SDK1: variants seen among roughly 807,000 people sequenced by gnomAD.
SDK1 encodes sidekick cell adhesion molecule 1, also known as protein sidekick-1.
Under a neutral mutation model 245.5 loss-of-function variants are expected in SDK1, and 157 were observed. That is an observed-to-expected ratio of 0.64 (90% CI 0.56 to 0.73). SDK1 has a LOEUF of 0.73. SDK1 is among the 30% of genes least tolerant of loss of function. The pLI, the probability that SDK1 is intolerant of heterozygous loss-of-function variation, is 0.00. For missense variants in SDK1, 3,583 were observed against 3,002.3 expected, an observed-to-expected ratio of 1.19 and a Z score of -4.52; for synonymous variants, 1,647 against 1,278.5, an observed-to-expected ratio of 1.29 and a Z score of -6.15.
At chr7:3,637,562 C>T (rs1220601176) in intron 2 of SDK1, among the ~76,000 whole-genome samples, 1 of 152,192 alleles carries the variant, frequency 6.6e-6, no homozygotes, top group Non-Finnish European at 1.5e-5. Flanking sequence ...GGTTGGTTAC[C>T]TATCTTTACT....
At chr7:4,100,027 C>T (rs1458340508) in intron 22 of SDK1, among the ~76,000 whole-genome samples, 1 of 152,204 alleles carries the variant, frequency 6.6e-6, no homozygotes, top group Non-Finnish European at 1.5e-5. Flanking sequence ...CCAGCCAGGC[C>T]TCATGCCCCA....
At chr7:4,032,878 G>T (rs1246443154) in intron 17 of SDK1, among the ~76,000 whole-genome samples, 1 of 152,194 alleles carries the variant, frequency 6.6e-6, no homozygotes, top group Non-Finnish European at 1.5e-5. Context: ...ACATCACAGG[G>T]AAGTTAGTGC....
intron 1 of SDK1, among the ~76,000 whole-genome samples, chr7:3,471,241 G>A (rs1042248635): frequency 6.6e-6 from 1 of 152,124 alleles, no homozygotes. Flanking sequence ...ATCCCTTTGA[G>A]TCTGAACATT....
chr7:4,108,816 G>T (rs748358158), intron 22 of SDK1, among the ~76,000 whole-genome samples: 2 of 152,138 alleles, frequency 1.3e-5, no homozygotes, highest in Non-Finnish European at 2.9e-5. Flanking sequence ...ATACCCAATA[G>T]CAGTCACTTC....
chr7:3,418,050 G>C (rs1238811823), intron 1 of SDK1, among the ~76,000 whole-genome samples: 2 of 146,922 alleles, frequency 1.4e-5, no homozygotes, highest in East Asian at 2.0e-4. Flanking sequence ...GAATCTGCCA[G>C]ATTACAACAA....
chr7:4,181,045 G>T (rs917492447), intron 35 of SDK1, among the ~76,000 whole-genome samples: 1 of 152,168 alleles, frequency 6.6e-6, no homozygotes, highest in African/African-American at 2.4e-5. Flanking sequence ...AACATCCATC[G>T]CTGGAGCTGT....
chr7:4,077,197 G>T lies in SDK1; in HGVS notation c.3202+8G>T, dbSNP rs763899703. The T allele has an allele frequency of 4.2e-5, 67 of 1,613,256 alleles. No individual in the cohort carries two copies. The highest frequency in any genetic ancestry group is 5.5e-5 in the Non-Finnish European group (65 of 1,179,560). On this transcript the variant is annotated splice_region_variant and intron_variant, in intron 21 of 44. Transcript: ENST00000404826. ...CTTCTGGAGTGCCCCCAGGTCAGTA[G>T]AATCGTGTGCGGTCCTCCTGCTGTC...
Position 3,358,544 on chromosome 7 carries a change from T to G in SDK1, c.298+56660T>G, listed in dbSNP as rs4722722. ...GTGCCCAGAGTCAGCCATCATTACA[T>G]TGTTCACGCTTACAGCATAAGTTAA... On this transcript the variant is annotated intron_variant, in intron 1 of 44. Coordinates refer to ENST00000404826, the MANE Select transcript of SDK1 (RefSeq NM_152744.4). Among the ~76,000 whole-genome samples the G allele has an allele frequency of 4.3e-4, 65 of 151,884 alleles. 1 individual carries two copies. The highest frequency in any genetic ancestry group is 7.6e-4 in the Non-Finnish European group (52 of 67,974).
At chr7:3,763,060 T>G (rs1199256593) in intron 4 of SDK1, among the ~76,000 whole-genome samples, 1 of 152,144 alleles carries the variant, frequency 6.6e-6, no homozygotes, top group Non-Finnish European at 1.5e-5. Flanking sequence ...CTATCCTGTG[T>G]CAACATAGGA....
intron 25 of SDK1, among the ~76,000 whole-genome samples, chr7:4,126,919 G>A (rs1584222233): frequency 1.3e-5 from 2 of 152,180 alleles, no homozygotes; most frequent in Non-Finnish European, 2.9e-5. Context: ...GCACAGACAG[G>A]CACTGGATAA....
intron 5 of SDK1, among the ~76,000 whole-genome samples, chr7:3,869,114 C>T (rs548210059): frequency 1.7e-4 from 26 of 150,052 alleles, no homozygotes; most frequent in Admixed American, 4.6e-4. Flanking sequence ...AAAGAGGAAA[C>T]TAACAGTGTG....
At chr7:3,679,190 C>T (rs1784017439) in intron 4 of SDK1, among the ~76,000 whole-genome samples, 1 of 152,188 alleles carries the variant, frequency 6.6e-6, no homozygotes, top group African/African-American at 2.4e-5. Context: ...AAAATATTTG[C>T]CAGCCACATG....
At chr7:3,412,086 G>C (rs1023153504) in intron 1 of SDK1, among the ~76,000 whole-genome samples, 3 of 152,118 alleles carry the variant, frequency 2.0e-5, no homozygotes, top group African/African-American at 7.2e-5. Flanking sequence ...GTTTAAATAA[G>C]CTGGTTTCCA....
chr7:3,562,361 G>A (rs1437644713), intron 1 of SDK1, among the ~76,000 whole-genome samples: 1 of 152,184 alleles, frequency 6.6e-6, no homozygotes, highest in Non-Finnish European at 1.5e-5. Flanking sequence ...TAGATTGTAA[G>A]TGTAAAAATT....
At chr7:3,738,971 T>G (rs555599785) in intron 4 of SDK1, among the ~76,000 whole-genome samples, 37 of 118,514 alleles carry the variant, frequency 3.1e-4, no homozygotes, top group African/African-American at 1.6e-3. Context: ...GTTTTTTTGT[T>G]TTTTTAAAAT....
At chr7:3,331,714 A>G (rs1048484284) in intron 1 of SDK1, among the ~76,000 whole-genome samples, 9 of 152,028 alleles carry the variant, frequency 5.9e-5, no homozygotes, top group Admixed American at 5.2e-4. Context: ...TTTCCTTTGG[A>G]TACCAGGTTC....
At chr7:4,174,163 C>T in intron 32 of SDK1, 59 bp from the exon 33 acceptor site, 1 of 1,596,858 alleles carries the variant, frequency 6.3e-7, no homozygotes, top group South Asian at 1.1e-5. Flanking sequence ...GTGAGCCCTG[C>T]TGCAGGCCAG....
chr7:3,304,063 C>T (rs1768051859), intron 1 of SDK1, among the ~76,000 whole-genome samples: 1 of 152,144 alleles, frequency 6.6e-6, no homozygotes, highest in African/African-American at 2.4e-5. Context: ...AAAAAACGTG[C>T]GACATTGATC....
chr7:3,938,255 C>T (rs1780230018), intron 5 of SDK1, among the ~76,000 whole-genome samples: 1 of 152,192 alleles, frequency 6.6e-6, no homozygotes, highest in Non-Finnish European at 1.5e-5. Flanking sequence ...CCTCTTACCC[C>T]TTGGTCCACT....
Sources: allele counts gnomAD v4.1 joint callset (sites outside exome capture counted in the v4.1 genomes callset), GRCh38; gene constraint gnomAD v4.1.1; transcripts MANE v1.5; gene names NCBI Gene and HGNC (gene_info 2026-07-23, HGNC 2026-07-21).